Variants in ULBP2 observed in about 807,000 individuals in gnomAD.
The protein encoded by ULBP2 is UL16-binding protein 2.
In ULBP2, 21 loss-of-function variants were observed where a neutral mutation model predicts 23.6. The ratio of observed to expected loss-of-function variants is 0.89; its 90% confidence interval spans 0.63 to 1.28. The LOEUF is 1.28. Ranked by LOEUF, ULBP2 falls within the 50% of genes most tolerant of loss-of-function variation. The pLI is 0.00. For missense variants in ULBP2, 251 were observed against 306.0 expected (o/e 0.82, Z 1.34); for synonymous variants, 82 against 112.8 (o/e 0.73, Z 1.73).
chr6:149,945,940 CAAAAA>C (rs57354290), intron 2 of ULBP2, among the ~76,000 whole-genome samples: 2 of 72,732 alleles, frequency 2.7e-5, no homozygotes, highest in Non-Finnish European at 2.6e-5. Flanking sequence ...GACTTTGTCT[CAAAAA>C]AAAAAAAAAA....
chr6:149,946,287 A>T, intron 2 of ULBP2, 85 bp from the exon 3 acceptor site: 23 of 1,497,290 alleles, frequency 1.5e-5, no homozygotes, highest in Non-Finnish European at 2.0e-5. Flanking sequence ...TAGCAGAGAG[A>T]GTAAGGCCAG....
At position 149,948,709 on chromosome 6, in the gene ULBP2, T is replaced by G. The variant is rs1453972408; in HGVS notation, c.*23-14T>G. 6.6e-6 allele frequency: 3 copies of G among 456,590 alleles called. No individual in the cohort carries two copies. The highest frequency in any genetic ancestry group is 2.0e-5 in the African/African-American group (1 of 50,064). The allele number at this position is 456,590 out of a possible 1,614,324, so 28.3% of individuals were successfully genotyped here. A position where few individuals can be genotyped will look rare whatever the true frequency, so the allele number is the denominator to read the frequency against. ...TCTCTGCCCCTTAAACCAACATTTG[T>G]GTCCTTTCTGAAGGTTAAAGCTGAT... On this transcript the variant is annotated splice_polypyrimidine_tract_variant and intron_variant, in intron 4 of 4. Coordinates refer to ENST00000367351, the MANE Select transcript of ULBP2 (RefSeq NM_025217.4).
rs150616014 is a variant in ULBP2 at position 149,946,778 on chromosome 6, G to C, written c.631+125G>C. The C allele has an allele frequency of 2.9e-4, 440 of 1,508,580 alleles. No homozygotes were observed. In the African/African-American group the frequency reaches 4.7e-3, roughly 16 times the overall value. The allele number at this position is 1,508,580 out of a possible 1,614,324, so 93.4% of individuals were successfully genotyped here. A position where few individuals can be genotyped will look rare whatever the true frequency, so the allele number is the denominator to read the frequency against. On this transcript the variant is annotated intron_variant, in intron 3 of 4. Transcript: ENST00000367351. Reference sequence around the variant, plus strand: ...ATTCACGTTAAAATGACCTCCTCGTGGGGCGCTCCTCCTGGGGTTACTGGC... The same window carrying C: ...ATTCACGTTAAAATGACCTCCTCGTCGGGCGCTCCTCCTGGGGTTACTGGC...
intron 3 of ULBP2, 111 bp from the exon 4 acceptor site, chr6:149,947,209 G>T: frequency 4.4e-6 from 7 of 1,595,098 alleles, no homozygotes; most frequent in Non-Finnish European, 6.0e-6. Context: ...CCAGGGGGGA[G>T]AGGACAAAAC....
In ULBP2 at chr6:149,946,440, C is replaced by T; in HGVS notation, c.418C>T (p.Gln140Ter). 1 of 1,614,128 alleles carries T rather than the reference C, an allele frequency of 6.2e-7. No homozygotes were observed. Among genetic ancestry groups the T allele is most frequent in the Non-Finnish European group, 8.5e-7 (1 of 1,180,036 alleles). Residue 140 changes from glutamine to a stop codon, truncating the protein, a stop_gained, in exon 3 of 5, where the codon CAG (glutamine) becomes TAG (stop). Transcript: ENST00000367351. LOFTEE classifies it high-confidence loss of function. ...TGAAGGACACAGCAGTGGATCTTGG[C>T]AGTTCAGTTTCGATGGGCAGATCTT... The part of the protein sequence containing the change: ...KAEGHSSGSW[Q>*]FSFDGQIFLL...
In ULBP2 at chr6:149,948,853, C is replaced by T. The variant is rs896316683; in HGVS notation, c.*153C>T. On this transcript the variant is annotated 3_prime_UTR_variant, in exon 5 of 5. Transcript: ENST00000367351. ...GCAGATCATGATGACATCATGGACC[C>T]AATAGCTCATTCACTGCCTTGATTC... 2 of 434,382 alleles carry T rather than the reference C, an allele frequency of 4.6e-6. No individual in the cohort carries two copies. The highest frequency in any genetic ancestry group is 9.3e-6 in the Non-Finnish European group (2 of 214,930). The allele number at this position is 434,382 out of a possible 1,614,324, so 26.9% of individuals were successfully genotyped here.
chr6:149,947,626 C>T (rs1241933141), intron 4 of ULBP2, among the ~76,000 whole-genome samples, 175 bp downstream of exon 4: 3 of 152,100 alleles, frequency 2.0e-5, no homozygotes, highest in Non-Finnish European at 4.4e-5. Flanking sequence ...ATGACCTGGG[C>T]AGCTCAGCCC....
rs369733124 is a variant in ULBP2, at chr6:149,942,042, A to G, written c.-31A>G. On this transcript the variant is annotated 5_prime_UTR_variant, in exon 1 of 5. Transcript: ENST00000367351. ...CATCTTCCAGGCTCTCCTTCCATCA[A>G]GTCTCTCATCCCTAGCGCTCTGGGT... 3.7e-6 allele frequency: 6 copies of G among 1,605,788 alleles called. No individual in the cohort carries two copies. The highest frequency in any genetic ancestry group is 2.2e-5 in the East Asian group (1 of 44,766).
intron 1 of ULBP2, among the ~76,000 whole-genome samples, chr6:149,942,604 C>A (rs1348003005): frequency 6.6e-6 from 1 of 152,098 alleles, no homozygotes; most frequent in African/African-American, 2.4e-5. Context: ...ACCACACAAA[C>A]CCTCCAGCGC....
intron 3 of ULBP2, among the ~76,000 whole-genome samples, 175 bp from the exon 4 acceptor site, chr6:149,947,145 G>C (rs1374467292): frequency 6.6e-6 from 1 of 151,866 alleles, no homozygotes; most frequent in Non-Finnish European, 1.5e-5. Context: ...CTGAGGACAA[G>C]ACTCACCCCG....
chr6:149,943,467 C>A (rs1176840198), intron 1 of ULBP2, among the ~76,000 whole-genome samples: 1 of 152,072 alleles, frequency 6.6e-6, no homozygotes, highest in Non-Finnish European at 1.5e-5. Flanking sequence ...TGAGGGGGTG[C>A]AGCCACGTGG....
intron 1 of ULBP2, among the ~76,000 whole-genome samples, chr6:149,942,595 CCA>C (rs1778880103): frequency 6.6e-6 from 1 of 152,146 alleles, no homozygotes; most frequent in African/African-American, 2.4e-5. Flanking sequence ...CCGCTCTCCA[CCA>C]CACAAACCCT....
intron 2 of ULBP2, among the ~76,000 whole-genome samples, chr6:149,945,963 C>G (rs1186602835): frequency 9.1e-6 from 1 of 109,634 alleles, no homozygotes; most frequent in South Asian, 2.5e-4. Flanking sequence ...AAAAAAAAAG[C>G]CAGGTGCAGT....
At chr6:149,947,856 G>A (rs551040944) in intron 4 of ULBP2, among the ~76,000 whole-genome samples, 1 of 152,126 alleles carries the variant, frequency 6.6e-6, no homozygotes, top group East Asian at 2.0e-4. Context: ...TACATGAGGT[G>A]TGACAGGGGA....
chr6:149,944,187 G>C (rs1211729035), intron 1 of ULBP2, among the ~76,000 whole-genome samples: 6 of 152,058 alleles, frequency 3.9e-5, no homozygotes, highest in Non-Finnish European at 8.8e-5. Context: ...CTGCAAATTA[G>C]GCAAAGCAGC....
chr6:149,947,918 G>A (rs1265126266), intron 4 of ULBP2, among the ~76,000 whole-genome samples: 1 of 152,238 alleles, frequency 6.6e-6, no homozygotes, highest in Admixed American at 6.5e-5. Flanking sequence ...ATCCCAGGAG[G>A]AGGGGGCTGG....
intron 1 of ULBP2, among the ~76,000 whole-genome samples, chr6:149,944,832 A>C (rs754486): frequency 3.6e-4 from 50 of 137,228 alleles, no homozygotes; most frequent in African/African-American, 6.2e-4. Context: ...CAACATGTTA[A>C]ATCCTGTGGC....
chr6:149,943,421 G>C (rs1458507474), intron 1 of ULBP2, among the ~76,000 whole-genome samples: 1 of 152,120 alleles, frequency 6.6e-6, no homozygotes, highest in African/African-American at 2.4e-5. Flanking sequence ...GGGACCATCA[G>C]GTACCCTCCC....
Position 149,948,003 on chromosome 6 carries a change from G to C in ULBP2, c.*22+552G>C, listed in dbSNP as rs377381210. Among the ~76,000 whole-genome samples, 605 of 152,354 alleles carry C rather than the reference G, an allele frequency of 4.0e-3. 4 individuals are homozygous for C. The highest frequency in any genetic ancestry group is 0.014 in the African/African-American group (582 of 41,568). On this transcript the variant is annotated intron_variant, in intron 4 of 4. Coordinates refer to ENST00000367351, the MANE Select transcript of ULBP2 (RefSeq NM_025217.4). Reference sequence around the variant, plus strand: ...CCCACAGAAAGTGGCTTGGGTTCCAGGAATTAAGGTGGAAGGTGAAGAGTA... The same window carrying C: ...CCCACAGAAAGTGGCTTGGGTTCCACGAATTAAGGTGGAAGGTGAAGAGTA...
Sources: gnomAD v4.1 joint callset for allele counts (sites outside exome capture counted in the v4.1 genomes callset) on GRCh38, gnomAD v4.1.1 for gene constraint, MANE v1.5 for transcripts, NCBI Gene and HGNC (gene_info 2026-07-23, HGNC 2026-07-21) for gene names.